The following MAP3K3 variants were observed in gnomAD, a reference collection of about 807,000 sequenced individuals.
MAP3K3 encodes the protein MAP/ERK kinase kinase 3.
Under a neutral mutation model 80.9 loss-of-function variants are expected in MAP3K3, and 12 were observed. That is an observed-to-expected ratio of 0.15 (90% CI 0.10 to 0.24). The LOEUF (loss-of-function observed/expected upper bound fraction) is 0.24. Among genes scored for constraint, MAP3K3 ranks in the 10% least tolerant of loss-of-function variants. MAP3K3 has a pLI of 1.00. For missense variants in MAP3K3, 596 were observed against 834.7 expected (o/e 0.71, Z 3.52); for synonymous variants, 272 against 307.1 (o/e 0.89, Z 1.19).
chr17:63,673,462 G>A (rs953092609), intron 6 of MAP3K3, among the ~76,000 whole-genome samples: 1 of 151,996 alleles, frequency 6.6e-6, no homozygotes, highest in Admixed American at 6.6e-5. Flanking sequence ...CTCTCTGTGG[G>A]GAGATCACTA....
chr17:63,659,594 G>T (rs1185304825), intron 5 of MAP3K3, among the ~76,000 whole-genome samples: 1 of 146,172 alleles, frequency 6.8e-6, no homozygotes, highest in African/African-American at 2.6e-5. Flanking sequence ...GTGCAGTGGC[G>T]TGATCTCGGC....
intron 6 of MAP3K3, among the ~76,000 whole-genome samples, chr17:63,674,521 T>C (rs975167187): frequency 6.6e-6 from 1 of 152,044 alleles, no homozygotes; most frequent in African/African-American, 2.4e-5. Flanking sequence ...CCTGGCTAAT[T>C]TGTTTTTTGT....
At chr17:63,686,337 G>A (rs767733452) in intron 8 of MAP3K3, among the ~76,000 whole-genome samples, 5 of 152,182 alleles carry the variant, frequency 3.3e-5, no homozygotes, top group Non-Finnish European at 5.9e-5. Context: ...TTGCCTAATA[G>A]ACCTGAGCAC....
At chr17:63,667,118 A>T (rs961240075) in intron 6 of MAP3K3, 58 bp downstream of exon 6, 65 of 1,498,604 alleles carry the variant, frequency 4.3e-5, no homozygotes, top group Non-Finnish European at 5.8e-5. Flanking sequence ...ATTTTAAAAA[A>T]GCAACAAGTA....
intron 2 of MAP3K3, among the ~76,000 whole-genome samples, chr17:63,644,957 A>C (rs1005613925): frequency 1.3e-5 from 2 of 151,810 alleles, no homozygotes; most frequent in East Asian, 3.9e-4. Context: ...CTTCTGTAAT[A>C]TCTCTCTCCT....
intron 4 of MAP3K3, among the ~76,000 whole-genome samples, chr17:63,654,647 TG>T (rs2034727309): frequency 6.6e-6 from 1 of 152,234 alleles, no homozygotes; most frequent in African/African-American, 2.4e-5. Flanking sequence ...TTTTCTATAA[TG>T]GTTGCACAAT....
At chr17:63,686,538 C>A (rs778348455) in intron 8 of MAP3K3, among the ~76,000 whole-genome samples, 13 of 152,102 alleles carry the variant, frequency 8.5e-5, no homozygotes, top group Non-Finnish European at 1.8e-4. Context: ...TGGATTATCT[C>A]CTAAGCTTTG....
At chr17:63,655,142 T>C (rs1568134262) in intron 4 of MAP3K3, among the ~76,000 whole-genome samples, 1 of 152,062 alleles carries the variant, frequency 6.6e-6, no homozygotes, top group Non-Finnish European at 1.5e-5. Context: ...TTAACAATCA[T>C]GATGGAAGGG....
At chr17:63,677,853 C>T (rs8067438) in intron 6 of MAP3K3, among the ~76,000 whole-genome samples, 4 of 152,032 alleles carry the variant, frequency 2.6e-5, no homozygotes, top group Non-Finnish European at 5.9e-5. Flanking sequence ...AAGAAAGATA[C>T]ATGGCACTGT....
intron 1 of MAP3K3, among the ~76,000 whole-genome samples, chr17:63,628,206 A>G (rs2034143438): frequency 6.6e-6 from 1 of 152,100 alleles, no homozygotes; most frequent in Non-Finnish European, 1.5e-5. Flanking sequence ...ACGCCCAGCC[A>G]GCTTGCTTTT....
At position 63,692,886 on chromosome 17, in the gene MAP3K3, C is replaced by T. The variant is rs987040740; in HGVS notation, c.1652+467C>T. The stretch of plus-strand genomic sequence containing the variant: ...CCCCCAAAGATGTCCACTGCCTAAT[C>T]CCTGGATCTGTAAATGTGATTGTAT... On this transcript the variant is annotated intron_variant, in intron 15 of 15. Transcript: ENST00000361733. This position sits in a 1 kb window ranked among gnomAD's most constrained non-coding sequence, Gnocchi z 4.5. Among the ~76,000 whole-genome samples, 6 of 152,206 alleles carry T rather than the reference C, an allele frequency of 3.9e-5. No homozygotes were observed. Among genetic ancestry groups the T allele is most frequent in the African/African-American group, 1.4e-4 (6 of 41,450 alleles).
At chr17:63,660,951 C>T (rs1254908116) in intron 5 of MAP3K3, among the ~76,000 whole-genome samples, 2 of 152,224 alleles carry the variant, frequency 1.3e-5, no homozygotes, top group African/African-American at 4.8e-5. Flanking sequence ...GTCTTCATTC[C>T]TCACAAGGTA....
Position 63,692,465 on chromosome 17 carries a change from G to A in MAP3K3, c.1652+46G>A, listed in dbSNP as rs375396310. ...AACCCATTCTTCCACCCAGGCCATA[G>A]TGGCCCCCCATTAGAAACACACCCT... On this transcript the variant is annotated intron_variant, in intron 15 of 15. Coordinates refer to ENST00000361733, the MANE Select transcript of MAP3K3 (RefSeq NM_002401.5). This position sits in a 1 kb window ranked among gnomAD's most constrained non-coding sequence, Gnocchi z 4.5. 8.4e-6 allele frequency: 13 copies of A among 1,548,438 alleles called. No homozygotes were observed. The highest frequency in any genetic ancestry group is 1.0e-5 in the Non-Finnish European group (12 of 1,147,658).
At chr17:63,638,189 A>G (rs1032931905) in intron 2 of MAP3K3, among the ~76,000 whole-genome samples, 1 of 152,196 alleles carries the variant, frequency 6.6e-6, no homozygotes, top group African/African-American at 2.4e-5. Context: ...ACAACTTTCC[A>G]GAGTCATGCT....
intron 4 of MAP3K3, among the ~76,000 whole-genome samples, chr17:63,656,852 G>A (rs914732469): frequency 2.0e-5 from 3 of 152,082 alleles, no homozygotes; most frequent in Non-Finnish European, 4.4e-5. Context: ...AAAGGAAAGA[G>A]GTTTAATTGA....
Position 63,689,448 on chromosome 17 carries a change from C to A in MAP3K3, c.872-96C>A. The A allele has an allele frequency of 9.3e-7, 1 of 1,079,600 alleles. No individual in the cohort carries two copies. The allele number at this position is 1,079,600 out of a possible 1,614,324, so 66.9% of individuals were successfully genotyped here. On this transcript the variant is annotated intron_variant, in intron 10 of 15. Transcript: ENST00000361733. This position sits in a 1 kb window ranked among gnomAD's most constrained non-coding sequence, Gnocchi z 4.3. ...TGGCTGAGACCTGGTTTGTATATTC[C>A]GCCTTGTAGCCCGGGGTGTCTCAGA...
At chr17:63,625,165 A>G (rs1015468715) in intron 1 of MAP3K3, among the ~76,000 whole-genome samples, 1 of 152,220 alleles carries the variant, frequency 6.6e-6, no homozygotes, top group Non-Finnish European at 1.5e-5. Context: ...GAGCTGTTCT[A>G]AGCCCAAGAC....
chr17:63,663,356 G>C (rs528831435), intron 5 of MAP3K3, among the ~76,000 whole-genome samples: 38 of 152,246 alleles, frequency 2.5e-4, no homozygotes, highest in Admixed American at 2.0e-3. Context: ...TACAAAATTA[G>C]CTGAGCGTGG....
At chr17:63,671,593 C>T (rs947893324) in intron 6 of MAP3K3, among the ~76,000 whole-genome samples, 2 of 152,114 alleles carry the variant, frequency 1.3e-5, no homozygotes, top group African/African-American at 4.8e-5. Flanking sequence ...ACATGACACT[C>T]AATTCTCTCA....
Sources: allele counts gnomAD v4.1 joint callset (sites outside exome capture counted in the v4.1 genomes callset), GRCh38; gene constraint gnomAD v4.1.1; non-coding constraint Gnocchi (gnomAD v3.1); transcripts MANE v1.5; gene names NCBI Gene and HGNC (gene_info 2026-07-23, HGNC 2026-07-21).